Variants in ARHGAP24 observed in about 807,000 individuals in gnomAD.
ARHGAP24 encodes Rho GTPase activating protein 24, also known as rho GTPase-activating protein 24.
A neutral mutation model predicts 76.4 loss-of-function variants in ARHGAP24; 50 were observed. The ratio of observed to expected loss-of-function variants is 0.65; its 90% CI spans 0.52 to 0.83. The LOEUF is 0.83. Ranked by LOEUF, ARHGAP24 falls within the 40% of genes least tolerant of loss-of-function variation. The pLI is 0.00. For missense variants in ARHGAP24, 930 were observed against 914.2 expected, an observed-to-expected ratio of 1.02 and a Z score of -0.22; for synonymous variants, 345 against 323.3, an observed-to-expected ratio of 1.07 and a Z score of -0.72.
chr4:85,689,329 T>C, intron 2 of ARHGAP24, among the ~76,000 whole-genome samples: 1 of 152,214 alleles, frequency 6.6e-6, no homozygotes, highest in East Asian at 1.9e-4. Flanking sequence ...GATTGCATTC[T>C]TGATTTGATG....
chr4:85,972,136 T>C lies in ARHGAP24; in HGVS notation c.700T>C (p.Cys234Arg). The change falls in exon 6 of 10, where the codon TGT becomes CGT. Residue 234 changes from cysteine (C) to arginine (R), a missense_variant. Physicochemically the swap from Cys to Arg is radical, Grantham distance 180. Coordinates refer to ENST00000395184, the MANE Select transcript of ARHGAP24 (RefSeq NM_001025616.3). ...PYAKYEDFLS[C>R]AKLLSKEEEA... is the part of the protein sequence containing the mutation. ...TGCGAAGTATGAAGATTTTTTGTCA[T>C]GTGCCAAACTGCTCAGCAAGGAAGA... 4 of 1,613,966 alleles carry C rather than the reference T, an allele frequency of 2.5e-6. No individual in the cohort carries two copies. The highest frequency in any genetic ancestry group is 1.7e-5 in the Admixed American group (1 of 60,006).
intron 1 of ARHGAP24, among the ~76,000 whole-genome samples, chr4:85,490,369 C>A (rs559995625): frequency 6.6e-5 from 10 of 152,120 alleles, no homozygotes; most frequent in Non-Finnish European, 1.5e-4. Context: ...TCAGCAGAGG[C>A]CTCTGGTTCA....
intron 2 of ARHGAP24, among the ~76,000 whole-genome samples, chr4:85,610,636 GAA>G (rs1342226115): frequency 1.3e-5 from 2 of 152,068 alleles, no homozygotes; most frequent in African/African-American, 4.8e-5. Flanking sequence ...GCGTCGTGGG[GAA>G]AAAGTGTCAC....
chr4:85,590,875 C>A (rs964888721), intron 2 of ARHGAP24, among the ~76,000 whole-genome samples: 2 of 151,658 alleles, frequency 1.3e-5, no homozygotes, highest in African/African-American at 4.9e-5. Flanking sequence ...AGAAATTTGT[C>A]ATGACTTTTA....
intron 3 of ARHGAP24, among the ~76,000 whole-genome samples, chr4:85,912,869 A>G (rs1396240717): frequency 6.6e-6 from 1 of 152,074 alleles, no homozygotes; most frequent in Admixed American, 6.5e-5. Flanking sequence ...TTTTCTTTCA[A>G]TAATTCTTTT....
intron 3 of ARHGAP24, among the ~76,000 whole-genome samples, chr4:85,804,416 T>C (rs930273681): frequency 1.5e-4 from 23 of 152,176 alleles, no homozygotes; most frequent in African/African-American, 5.3e-4. Flanking sequence ...TAAATTTAGA[T>C]ATAAAATGCT....
intron 2 of ARHGAP24, among the ~76,000 whole-genome samples, chr4:85,628,999 G>A (rs1721068181): frequency 6.6e-6 from 1 of 152,070 alleles, no homozygotes; most frequent in African/African-American, 2.4e-5. Context: ...TTATTAATAG[G>A]TAACTTTAAT....
At chr4:85,833,080 C>A (rs933813820) in intron 3 of ARHGAP24, among the ~76,000 whole-genome samples, 1 of 152,144 alleles carries the variant, frequency 6.6e-6, no homozygotes, top group Non-Finnish European at 1.5e-5. Context: ...ATGCTGGGGC[C>A]GGACAAGTGT....
chr4:85,864,499 CT>C (rs1732080217), intron 3 of ARHGAP24, among the ~76,000 whole-genome samples: 1 of 152,034 alleles, frequency 6.6e-6, no homozygotes, highest in African/African-American at 2.4e-5. Context: ...TCCGTATCTT[CT>C]AAGAGATCCA....
chr4:85,538,797 T>C (rs971978012), intron 1 of ARHGAP24, among the ~76,000 whole-genome samples: 2 of 152,174 alleles, frequency 1.3e-5, no homozygotes, highest in Non-Finnish European at 2.9e-5. Flanking sequence ...TTGGAAATAA[T>C]CAAACTCAAC....
chr4:85,655,968 C>CCTTTTTA (rs1042062052), intron 2 of ARHGAP24, among the ~76,000 whole-genome samples: 20 of 151,930 alleles, frequency 1.3e-4, no homozygotes, highest in Non-Finnish European at 2.1e-4. Context: ...TGATAAGTCA[C>CCTTTTTA]CTTTTTATTG....
intron 8 of ARHGAP24, among the ~76,000 whole-genome samples, chr4:85,987,316 C>A (rs1246006958): frequency 6.6e-6 from 1 of 152,026 alleles, no homozygotes; most frequent in Non-Finnish European, 1.5e-5. Context: ...TTCAGCTAAT[C>A]CCCAGATGCT....
chr4:85,487,620 A>C (rs1723144345), intron 1 of ARHGAP24, among the ~76,000 whole-genome samples: 1 of 84,604 alleles, frequency 1.2e-5, no homozygotes, highest in South Asian at 3.5e-4. Flanking sequence ...ATATAAACAT[A>C]TATTTATTAC....
chr4:85,649,338 A>G (rs1341639709), intron 2 of ARHGAP24, among the ~76,000 whole-genome samples: 1 of 152,054 alleles, frequency 6.6e-6, no homozygotes, highest in African/African-American at 2.4e-5. Flanking sequence ...AATATTTGTA[A>G]CAGTCCTGTG....
chr4:85,645,519 A>G (rs1015164603), intron 2 of ARHGAP24, among the ~76,000 whole-genome samples: 7 of 152,110 alleles, frequency 4.6e-5, no homozygotes, highest in African/African-American at 1.7e-4. Flanking sequence ...GTACTAGGTT[A>G]TCCTCTCTGA....
chr4:85,609,661 A>T (rs957935271), intron 2 of ARHGAP24, among the ~76,000 whole-genome samples: 1 of 152,144 alleles, frequency 6.6e-6, no homozygotes, highest in African/African-American at 2.4e-5. Flanking sequence ...TTCCTTCATG[A>T]CTAAGTTAGA....
intron 3 of ARHGAP24, among the ~76,000 whole-genome samples, chr4:85,841,495 A>C (rs1304879572): frequency 6.6e-6 from 1 of 152,226 alleles, no homozygotes; most frequent in Non-Finnish European, 1.5e-5. Context: ...ATTACTTAGA[A>C]TAGTTTCTGG....
At chr4:85,722,146 C>T in intron 3 of ARHGAP24, 174 bp downstream of exon 3, 1 of 589,594 alleles carries the variant, frequency 1.7e-6, no homozygotes, top group Non-Finnish European at 3.1e-6. Flanking sequence ...CAAATGAATG[C>T]ACTCACACAC....
At chr4:85,485,091 G>A (rs1209571849) in intron 1 of ARHGAP24, among the ~76,000 whole-genome samples, 1 of 151,400 alleles carries the variant, frequency 6.6e-6, no homozygotes, top group Non-Finnish European at 1.5e-5. Context: ...ACGCCTGTAA[G>A]CCCAGCACTT....
Sources: allele counts gnomAD v4.1 joint callset (sites outside exome capture counted in the v4.1 genomes callset), GRCh38; gene constraint gnomAD v4.1.1; transcripts MANE v1.5; gene names NCBI Gene and HGNC (gene_info 2026-07-23, HGNC 2026-07-21).